Variants in ASS1 observed in about 807,000 individuals in gnomAD.
ASS1 encodes the protein argininosuccinate synthase.
In ASS1, 58 loss-of-function variants were observed where a neutral mutation model predicts 60.5. The ratio of observed to expected loss-of-function variants is 0.96; its 90% CI spans 0.78 to 1.19. The LOEUF is 1.19. Among genes scored for constraint, ASS1 ranks in the 50% most tolerant of loss-of-function variants. The pLI, the probability that ASS1 is intolerant of heterozygous loss-of-function variation, is 0.00. For missense variants in ASS1, 454 were observed against 547.3 expected (o/e 0.83, Z 1.70); for synonymous variants, 200 against 206.9 (o/e 0.97, Z 0.29).
intron 12 of ASS1, among the ~76,000 whole-genome samples, chr9:130,493,126 G>GCCC (rs1191358638): frequency 6.6e-6 from 1 of 152,114 alleles, no homozygotes; most frequent in African/African-American, 2.4e-5. Flanking sequence ...AACATCAGTG[G>GCCC]CCCCCTCCAC....
At chr9:130,456,463 T>TA (rs924927124) in intron 3 of ASS1, among the ~76,000 whole-genome samples, 94 of 151,990 alleles carry the variant, frequency 6.2e-4, no homozygotes, top group African/African-American at 7.2e-4. Flanking sequence ...CAAAACTCTG[T>TA]AAAAAAAACC....
chr9:130,473,867 C>T (rs1293606731), intron 8 of ASS1, among the ~76,000 whole-genome samples: 3 of 152,152 alleles, frequency 2.0e-5, no homozygotes, highest in South Asian at 2.1e-4. Context: ...ATTCAGTCGC[C>T]GGCCCGCCAT....
intron 11 of ASS1, among the ~76,000 whole-genome samples, chr9:130,481,983 C>T (rs1229248561): frequency 1.3e-5 from 2 of 152,122 alleles, no homozygotes; most frequent in African/African-American, 2.4e-5. Flanking sequence ...TGGGAGCCAG[C>T]GCGGTGTGCA....
Position 130,478,077 on chromosome 9 carries a change from C to T in ASS1, c.688+1116C>T, listed in dbSNP as rs1002082735. On this transcript the variant is annotated intron_variant, in intron 9 of 14. Coordinates refer to ENST00000352480, the MANE Select transcript of ASS1 (RefSeq NM_054012.4). This position sits in a 1 kb window ranked among gnomAD's most constrained non-coding sequence, Gnocchi z 4.7. ...CACAGGCATGATGCTCACAGGTGCC[C>T]GGCATGGTATGTGGAATGGGGTGTC... Among the ~76,000 whole-genome samples the T allele has an allele frequency of 3.3e-5, 5 of 152,144 alleles. No homozygotes were observed. Among genetic ancestry groups the T allele is most frequent in the African/African-American group, 1.2e-4 (5 of 41,428 alleles).
chr9:130,472,716 CT>C (rs970386268), intron 8 of ASS1, among the ~76,000 whole-genome samples: 3 of 152,194 alleles, frequency 2.0e-5, no homozygotes, highest in African/African-American at 7.2e-5. Flanking sequence ...AGTTCATGCT[CT>C]GCTGACCCCA....
At chr9:130,481,906 C>T (rs117211662) in intron 11 of ASS1, among the ~76,000 whole-genome samples, 6,117 of 152,230 alleles carry the variant, frequency 0.04, 165 homozygotes, top group Middle Eastern at 0.085. Context: ...CCTTTTTATC[C>T]GGGCTTACCT....
chr9:130,458,328 G>A, intron 3 of ASS1, 73 bp from the exon 4 acceptor site: 2 of 1,581,094 alleles, frequency 1.3e-6, no homozygotes, highest in Admixed American at 1.7e-5. Context: ...GCTAGCTGAG[G>A]CCCCTGGGGC....
chr9:130,463,936 C>T (rs1306093219), intron 4 of ASS1, among the ~76,000 whole-genome samples, 175 bp from the exon 5 acceptor site: 1 of 152,120 alleles, frequency 6.6e-6, no homozygotes, highest in Non-Finnish European at 1.5e-5. Flanking sequence ...CAGACGTGCA[C>T]ATCTCCCTCC....
At position 130,452,219 on chromosome 9, in the gene ASS1, G is replaced by A. The variant is rs775002813; in HGVS notation, c.-5-5G>A. On this transcript the variant is annotated splice_region_variant and splice_polypyrimidine_tract_variant and intron_variant, in intron 1 of 14. Coordinates refer to ENST00000352480, the MANE Select transcript of ASS1 (RefSeq NM_054012.4). ...TCACTCAGGTTGTTCCTCGACTCCC[G>A]CCAGACGCTATGTCCAGCAAAGGCT... The A allele has an allele frequency of 2.3e-5, 37 of 1,613,696 alleles. No homozygotes were observed. The African/African-American group carries it at 3.3e-4, about 15-fold the overall frequency.
In ASS1 at chr9:130,470,821, C is replaced by G. The variant is rs752246216; in HGVS notation, c.496-13C>G. ...GCCGCCTTACCTCCACCTGTGCTGT[C>G]TCTTTCCTGCAGCAACACGGGATTC... On this transcript the variant is annotated splice_polypyrimidine_tract_variant and intron_variant, in intron 6 of 14. Transcript: ENST00000352480. This position sits in a 1 kb window ranked among gnomAD's most constrained non-coding sequence, Gnocchi z 4.3. The G allele has an allele frequency of 1.6e-5, 26 of 1,613,904 alleles. No individual in the cohort carries two copies. The highest frequency in any genetic ancestry group is 2.2e-5 in the Non-Finnish European group (26 of 1,179,846).
At chr9:130,484,655 G>A (rs923904895) in intron 11 of ASS1, among the ~76,000 whole-genome samples, 1 of 152,012 alleles carries the variant, frequency 6.6e-6, no homozygotes, top group African/African-American at 2.4e-5. Flanking sequence ...TCTGCGCAGT[G>A]GTTTGTATGC....
In ASS1 at chr9:130,478,607, G is replaced by A. The variant is rs569002671; in HGVS notation, c.689-1109G>A. ...AATTATTAACTATTTTAAAGGCTAA[G>A]AGGCTTTCTCCAGCAGCAGCACCAA... On this transcript the variant is annotated intron_variant, in intron 9 of 14. Transcript: ENST00000352480. This position sits in a 1 kb window ranked among gnomAD's most constrained non-coding sequence, Gnocchi z 4.7. Among the ~76,000 whole-genome samples, 10 of 152,330 alleles carry A rather than the reference G, an allele frequency of 6.6e-5. 1 individual carries two copies. The East Asian group carries it at 1.9e-3, about 29-fold the overall frequency.
chr9:130,470,840 G>A lies in ASS1; in HGVS notation c.502G>A (p.Gly168Arg), dbSNP rs763449750. The A allele has an allele frequency of 4.3e-6, 7 of 1,614,036 alleles. No individual in the cohort carries two copies. The highest frequency in any genetic ancestry group is 3.4e-6 in the Non-Finnish European group (4 of 1,179,986). Residue 168 changes from glycine to arginine, a missense_variant, in exon 7 of 15, where the codon GGG (glycine) becomes AGG (arginine). Coordinates refer to ENST00000352480, the MANE Select transcript of ASS1 (RefSeq NM_054012.4). The surrounding 1 kb of genome is among the most constrained non-coding windows in gnomAD (Gnocchi z 4.3). ...NDLMEYAKQHGIPIPVTPKNP... is the reference protein window; with the variant it reads ...NDLMEYAKQHRIPIPVTPKNP... ...TGCTGTCTCTTTCCTGCAGCAACAC[G>A]GGATTCCCATCCCGGTCACTCCCAA... is the stretch of plus-strand genomic sequence containing the variant.
At chr9:130,480,699 G>A (rs948368123) in intron 11 of ASS1, among the ~76,000 whole-genome samples, 3 of 152,172 alleles carry the variant, frequency 2.0e-5, no homozygotes, top group Admixed American at 2.0e-4. Context: ...GGAGGGCCTG[G>A]GGAGTCTCCG....
intron 6 of ASS1, among the ~76,000 whole-genome samples, chr9:130,467,858 G>A (rs572307247): frequency 1.3e-5 from 2 of 152,150 alleles, no homozygotes; most frequent in East Asian, 1.9e-4. Context: ...GGGCAGGGCC[G>A]ACCCATACGT....
intron 11 of ASS1, among the ~76,000 whole-genome samples, chr9:130,484,575 T>G (rs1846256366): frequency 6.6e-6 from 1 of 152,094 alleles, no homozygotes; most frequent in African/African-American, 2.4e-5. Flanking sequence ...CTGCTGTGTG[T>G]GTCACTCCAA....
intron 6 of ASS1, among the ~76,000 whole-genome samples, chr9:130,467,633 G>C (rs1845776281): frequency 6.6e-6 from 1 of 152,182 alleles, no homozygotes; most frequent in Admixed American, 6.5e-5. Flanking sequence ...TCCACCATCT[G>C]TTGTTTTATT....
intron 11 of ASS1, among the ~76,000 whole-genome samples, chr9:130,485,778 T>G (rs1379411511): frequency 6.6e-6 from 1 of 152,210 alleles, no homozygotes; most frequent in Non-Finnish European, 1.5e-5. Flanking sequence ...TTTGTCAGTG[T>G]CGTGCTCTTG....
intron 4 of ASS1, among the ~76,000 whole-genome samples, chr9:130,461,216 G>A (rs940744785): frequency 7.4e-5 from 11 of 149,530 alleles, no homozygotes; most frequent in Non-Finnish European, 1.6e-4. Context: ...GTGGGTGGGT[G>A]AGTATGGGTG....
Sources: allele counts gnomAD v4.1 joint callset (sites outside exome capture counted in the v4.1 genomes callset), GRCh38; gene constraint gnomAD v4.1.1; non-coding constraint Gnocchi (gnomAD v3.1); transcripts MANE v1.5; gene names NCBI Gene and HGNC (gene_info 2026-07-23, HGNC 2026-07-21).